The following GABRE variants were observed in gnomAD, a reference collection of about 807,000 sequenced individuals.
GABRE encodes gamma-aminobutyric acid receptor subunit epsilon.
A neutral mutation model predicts 31.0 loss-of-function variants in GABRE; 20 were observed. The ratio of observed to expected loss-of-function variants is 0.64; its 90% confidence interval spans 0.45 to 0.94. The LOEUF is 0.94. Among genes scored for constraint, GABRE ranks in the 40% least tolerant of loss-of-function variants. GABRE has a pLI of 0.00. For synonymous variants in GABRE, 155 were observed against 150.6 expected, an observed-to-expected ratio of 1.03 and a Z score of -0.21; for missense variants, 420 against 410.7, an observed-to-expected ratio of 1.02 and a Z score of -0.20.
chrX:151,958,395 C>T (rs1934244641), intron 6 of GABRE: 1 of 260,203 alleles, frequency 3.8e-6, no homozygotes, highest in South Asian at 3.9e-5. Context: ...CCCCAGGGCC[C>T]AACTGGAAGA....
At chrX:151,968,578 A>G (rs776932534) in intron 3 of GABRE, among the ~76,000 whole-genome samples, 2 of 111,724 alleles carry the variant, frequency 1.8e-5, no homozygotes, top group East Asian at 5.7e-4. Flanking sequence ...ACCCAGTCAC[A>G]TGGCACTTTT....
chrX:151,958,898 T>C, intron 6 of GABRE: 1 of 297,647 alleles, frequency 3.4e-6, no homozygotes. Context: ...CACATGAGCA[T>C]GAGCTTTCCC....
At chrX:151,955,973 A>G in intron 6 of GABRE, 113 bp from the exon 7 acceptor site, 1 of 748,592 alleles carries the variant, frequency 1.3e-6, no homozygotes, top group Non-Finnish European at 2.0e-6. Context: ...CCTAGGATAG[A>G]GGCATGATGT....
chrX:151,962,278 G>A, intron 4 of GABRE, 145 bp downstream of exon 4: 1 of 514,552 alleles, frequency 1.9e-6, no homozygotes. Context: ...TGTTACATAA[G>A]GGGGCTGAGC....
rs375575457 is a variant in GABRE, at chrX:151,969,705, G to A, written c.306C>T (p.Ser102=). 2.3e-5 allele frequency: 28 copies of A among 1,206,635 alleles called. No homozygotes were observed. Among genetic ancestry groups the A allele is most frequent in the Non-Finnish European group, 2.9e-5 (26 of 893,183 alleles). Residue 102 remains serine (S), a synonymous_variant, in exon 3 of 9, where the codon TCC becomes TCT. Coordinates refer to ENST00000370328, the MANE Select transcript of GABRE (RefSeq NM_004961.4). ...EKPTVVTVEI[S]VNSLGPLSIL... ...TAGAGAGAGGACCAAGGCTGTTGAC[G>A]GAGATCTCAACAGTGACCACAGTGG...
intron 3 of GABRE, among the ~76,000 whole-genome samples, chrX:151,968,725 T>C (rs1021487396): frequency 9.8e-5 from 11 of 112,019 alleles, no homozygotes; most frequent in African/African-American, 3.6e-4. Flanking sequence ...GCATCATTCA[T>C]CACTCATTTG....
rs79310776 is a variant in GABRE at position 151,962,497 on chromosome X, G to A, written c.489C>T (p.Thr163=). The A allele has an allele frequency of 3.3e-6, 4 of 1,210,937 alleles. No homozygotes were observed. Among genetic ancestry groups the A allele is most frequent in the East Asian group, 5.9e-5 (2 of 33,787 alleles). ...PDTFFRNSKR[T]HEHEITMPNQ... Reference sequence around the variant, plus strand: ...TGGGCATGGTGATCTCATGCTCGTGGGTCCTCTTAGAATTCCTAAAAAAGG... The same window carrying A: ...TGGGCATGGTGATCTCATGCTCGTGAGTCCTCTTAGAATTCCTAAAAAAGG... The change falls in exon 4 of 9, where the codon ACC becomes ACT. Residue 163 remains threonine (T), a synonymous_variant. Transcript: ENST00000370328.
At chrX:151,973,941 G>C (rs139717262) in intron 1 of GABRE, among the ~76,000 whole-genome samples, 6 of 111,202 alleles carry the variant, frequency 5.4e-5, no homozygotes, top group Admixed American at 9.5e-5. Context: ...TGGAGAGGGG[G>C]CATAGCTGGT....
chrX:151,955,914 T>G, intron 6 of GABRE, 54 bp from the exon 7 acceptor site: 2 of 1,144,144 alleles, frequency 1.7e-6, no homozygotes, highest in South Asian at 1.9e-5. Flanking sequence ...ACGGTCCCCC[T>G]TAGCAGGACG....
Position 151,955,030 on chromosome X carries a change from C to T in GABRE, c.1192G>A (p.Ala398Thr). 2 of 1,203,754 alleles carry T rather than the reference C, an allele frequency of 1.7e-6. No individual in the cohort carries two copies. The highest frequency in any genetic ancestry group is 3.0e-5 in the East Asian group (1 of 33,604). Reference protein sequence around the residue: ...ARTRARSRACARQHQEAFVCQ... With the variant: ...ARTRARSRACTRQHQEAFVCQ... ...ACAAAAGCTTCCTGATGTTGGCGGG[C>T]ACAGGCTCGGGAACGTGCACGGGTA... Residue 398 changes from alanine to threonine, a missense_variant, in exon 9 of 9, where the codon GCC becomes ACC. By Grantham distance (58) the Ala-to-Thr change is moderately conservative. Coordinates refer to ENST00000370328, the MANE Select transcript of GABRE (RefSeq NM_004961.4).
rs773824853 is a variant in GABRE, at chrX:151,963,632, T to C, written c.343-989A>G. Among the ~76,000 whole-genome samples, 99 of 112,492 alleles carry C rather than the reference T, an allele frequency of 8.8e-4. 1 individual carries two copies. Among genetic ancestry groups the C allele is most frequent in the Admixed American group, 3.8e-4 (4 of 10,639 alleles). ...GATAAAACTGAAATCTAGAGCACCT[T>C]CCTGGTCACACCATAGTCAAGACTA... On this transcript the variant is annotated intron_variant, in intron 3 of 8. Coordinates refer to ENST00000370328, the MANE Select transcript of GABRE (RefSeq NM_004961.4).
chrX:151,962,520 A>T lies in GABRE; in HGVS notation c.466T>A (p.Phe156Ile), dbSNP rs376654696. 1.2e-5 allele frequency: 14 copies of T among 1,209,078 alleles called. No individual in the cohort carries two copies. Among genetic ancestry groups the T allele is most frequent in the African/African-American group, 3.5e-5 (2 of 56,906 alleles). Residue 156 changes from phenylalanine to isoleucine, a missense_variant, in exon 4 of 9, where the codon TTT becomes ATT. Transcript: ENST00000370328. ...TGGGTCCTCTTAGAATTCCTAAAAA[A>T]GGTGTCCGGGATCCATAGCTGGCTC... ...VVSQLWIPDTFFRNSKRTHEH... is the reference protein window; with the variant it reads ...VVSQLWIPDTIFRNSKRTHEH...
Position 151,955,497 on chromosome X carries a change from A to G in GABRE, c.1008T>C (p.Tyr336=). 8.3e-7 allele frequency: 1 copy of G among 1,211,798 alleles called. No individual in the cohort carries two copies. The highest frequency in any genetic ancestry group is 1.7e-5 in the African/African-American group (1 of 57,940). The change falls in exon 8 of 9, where the codon TAT becomes TAC. Residue 336 remains tyrosine, a synonymous_variant. Coordinates refer to ENST00000370328, the MANE Select transcript of GABRE (RefSeq NM_004961.4). The part of the protein sequence containing the change: ...FSRKNFPRVS[Y]ITALDFYIAI... The stretch of plus-strand genomic sequence containing the variant: ...CGATATAGAAATCCAAGGCTGTGAT[A>G]TAGGAGACACGCGGGAAATTCTTAC...
chrX:151,962,604 C>T lies in GABRE; in HGVS notation c.382G>A (p.Asp128Asn), dbSNP rs749723666. ...GTGTCGTTGTAACAGAGGCGTTCGT[C>T]GTACCAGGTCTGGGAGAAGATGATG... ...IDIIFSQTWYDERLCYNDTFE... is the reference protein window; with the variant it reads ...IDIIFSQTWYNERLCYNDTFE... The change falls in exon 4 of 9, where the codon GAC becomes AAC. Residue 128 changes from aspartate to asparagine, a missense_variant. Transcript: ENST00000370328. The T allele has an allele frequency of 4.5e-5, 54 of 1,208,971 alleles. No individual in the cohort carries two copies. Among genetic ancestry groups the T allele is most frequent in the Non-Finnish European group, 5.6e-5 (50 of 894,600 alleles).
At chrX:151,959,301 T>A in intron 6 of GABRE, 1 of 240,681 alleles carries the variant, frequency 4.2e-6, no homozygotes, top group Non-Finnish European at 7.8e-6. Flanking sequence ...TTGATAAGAA[T>A]CTGTGCTTTT....
rs1438506181 is a variant in GABRE at position 151,974,490 on chromosome X, G to A, written c.56+80C>T. On this transcript the variant is annotated intron_variant, in intron 1 of 8. Coordinates refer to ENST00000370328, the MANE Select transcript of GABRE (RefSeq NM_004961.4). ...GGGGCTCGAGGAACGCGGGGCCGCT[G>A]GGGTCCCGGGAGCCGTCCCGGCTCC... is the stretch of plus-strand genomic sequence containing the variant. 7.5e-6 allele frequency: 5 copies of A among 671,086 alleles called. No homozygotes were observed. The African/African-American group carries it at 1.2e-4, about 16-fold the overall frequency. The allele number at this position is 671,086 out of a possible 1,213,427, so 55.3% of individuals were successfully genotyped here.
chrX:151,970,447 A>G (rs1389630366), intron 1 of GABRE, 45 bp from the exon 2 acceptor site: 1 of 1,172,528 alleles, frequency 8.5e-7, no homozygotes, highest in South Asian at 2.0e-5. Context: ...TGCACTCTGT[A>G]GGGGCCCCAG....
chrX:151,971,342 A>G, intron 1 of GABRE: 1 of 306,042 alleles, frequency 3.3e-6, no homozygotes, highest in Admixed American at 3.6e-5. Flanking sequence ...AGTGTTTTTA[A>G]AAATCAAAAT....
At chrX:151,974,151 C>T (rs1307452758) in intron 1 of GABRE, among the ~76,000 whole-genome samples, 1 of 111,576 alleles carries the variant, frequency 9.0e-6, no homozygotes, top group Non-Finnish European at 1.9e-5. Flanking sequence ...CCTCAGCCCG[C>T]GCACCCCCTT....
Sources: gnomAD v4.1 joint callset for allele counts (sites outside exome capture counted in the v4.1 genomes callset) on GRCh38, gnomAD v4.1.1 for gene constraint, MANE v1.5 for transcripts, NCBI Gene and HGNC (gene_info 2026-07-23, HGNC 2026-07-21) for gene names.